TRA2A: variants seen among roughly 807,000 people sequenced by gnomAD.
The protein encoded by TRA2A is transformer-2 protein homolog alpha.
A neutral mutation model predicts 45.7 loss-of-function variants in TRA2A; 31 were observed. The observed-to-expected ratio is 0.68, with a 90% confidence interval of 0.51 to 0.92. The LOEUF (loss-of-function observed/expected upper bound fraction) is 0.92, where lower values mean the gene tolerates loss of function less well. TRA2A is among the 40% of genes least tolerant of loss of function. The pLI is 0.00. For synonymous variants in TRA2A, 132 were observed against 126.2 expected, an observed-to-expected ratio of 1.05 and a Z score of -0.31; for missense variants, 304 against 367.5, an observed-to-expected ratio of 0.83 and a Z score of 1.41.
intron 5 of TRA2A, among the ~76,000 whole-genome samples, chr7:23,506,990 C>A (rs57398773): frequency 6.6e-6 from 1 of 152,006 alleles, no homozygotes; most frequent in Non-Finnish European, 1.5e-5. Context: ...GTCCCGATCT[C>A]GTGATCTCGT....
Position 23,505,232 on chromosome 7 carries a change from A to G in TRA2A, c.*327T>C. On this transcript the variant is annotated 3_prime_UTR_variant, in exon 8 of 8. Transcript: ENST00000297071. ...AGTATCTAACACAAAAGAAGCTTTAAAAAGACAGTTTCTTTCCTTATTTGA... is the reference window on the plus strand; with the variant it reads ...AGTATCTAACACAAAAGAAGCTTTAGAAAGACAGTTTCTTTCCTTATTTGA... 3.7e-6 allele frequency: 1 copy of G among 272,048 alleles called. No homozygotes were observed. The highest frequency in any genetic ancestry group is 6.8e-6 in the Non-Finnish European group (1 of 148,098). The allele number at this position is 272,048 out of a possible 1,614,324, so 16.9% of individuals were successfully genotyped here. A position where few individuals can be genotyped will look rare whatever the true frequency, so the allele number is the denominator to read the frequency against.
Position 23,512,883 on chromosome 7 carries a change from G to C in TRA2A, c.525+11C>G, listed in dbSNP as rs186972773. The C allele has an allele frequency of 2.5e-6, 4 of 1,590,890 alleles. No individual in the cohort carries two copies. The highest frequency in any genetic ancestry group is 3.4e-6 in the Non-Finnish European group (4 of 1,166,760). ...CAGTACTATAATCAGGCATATAAAAGACAAATTTACCTCCTTTGAGTCATC... is the reference window on the plus strand; with the variant it reads ...CAGTACTATAATCAGGCATATAAAACACAAATTTACCTCCTTTGAGTCATC... On this transcript the variant is annotated intron_variant, in intron 4 of 7. Transcript: ENST00000297071.
In TRA2A at chr7:23,504,852, G is replaced by A. The variant is rs1342101096; in HGVS notation, c.*707C>T. On this transcript the variant is annotated 3_prime_UTR_variant, in exon 8 of 8. Transcript: ENST00000297071. ...ATCTTTTAAGAATTCTATGCTATGT[G>A]ATAACCTGCTTATCCACTGTCCCAA... is the stretch of plus-strand genomic sequence containing the variant. The A allele has an allele frequency of 4.6e-5, 7 of 152,498 alleles. No individual in the cohort carries two copies. The highest frequency in any genetic ancestry group is 1.7e-4 in the African/African-American group (7 of 41,414). 9.4% of individuals were successfully genotyped at this position (152,498 alleles called of 1,614,324 possible). A position where few individuals can be genotyped will look rare whatever the true frequency, so the allele number is the denominator to read the frequency against.
At chr7:23,523,654 TACCA>T (rs1302981831) in intron 1 of TRA2A, among the ~76,000 whole-genome samples, 2 of 152,224 alleles carry the variant, frequency 1.3e-5, no homozygotes, top group African/African-American at 4.8e-5. Context: ...TTCAGCTCAA[TACCA>T]ACCTTTCCCA....
At chr7:23,523,052 A>C (rs1790199127) in intron 1 of TRA2A, among the ~76,000 whole-genome samples, 1 of 152,204 alleles carries the variant, frequency 6.6e-6, no homozygotes, top group Admixed American at 6.5e-5. Flanking sequence ...GAAATTCTTA[A>C]AATTTCCCCA....
chr7:23,508,771 G>C (rs899640913), intron 4 of TRA2A, among the ~76,000 whole-genome samples: 5 of 152,156 alleles, frequency 3.3e-5, no homozygotes, highest in African/African-American at 1.2e-4. Context: ...TGGGATTACA[G>C]GCGTAAGCCA....
In TRA2A at chr7:23,505,728, A is replaced by G. The variant is rs778617950; in HGVS notation, c.838+18T>C. 4 of 1,515,338 alleles carry G rather than the reference A, an allele frequency of 2.6e-6. No individual in the cohort carries two copies. Among genetic ancestry groups the G allele is most frequent in the Non-Finnish European group, 3.6e-6 (4 of 1,126,100 alleles). 93.9% of individuals were successfully genotyped at this position (1,515,338 alleles called of 1,614,324 possible). ...TAGAAATGAGGTTTTTTATGCTACA[A>G]AAGTAAAGTTCACATACTTGGGCTG... On this transcript the variant is annotated intron_variant, in intron 7 of 7. Coordinates refer to ENST00000297071, the MANE Select transcript of TRA2A (RefSeq NM_013293.5).
intron 1 of TRA2A, chr7:23,531,209 C>A: frequency 2.0e-6 from 2 of 987,046 alleles, no homozygotes; most frequent in Non-Finnish European, 2.4e-6. Context: ...CCACCTTCAA[C>A]CTCAAGGCTT....
chr7:23,531,356 G>A, intron 1 of TRA2A: 1 of 556,820 alleles, frequency 1.8e-6, no homozygotes, highest in Non-Finnish European at 2.3e-6. Context: ...GCGCACTTTC[G>A]ATCCCGAGAC....
chr7:23,516,520 G>C lies in TRA2A; in HGVS notation c.179C>G (p.Ser60Ter). 1 of 1,613,760 alleles carries C rather than the reference G, an allele frequency of 6.2e-7. No individual in the cohort carries two copies. Among genetic ancestry groups the C allele is most frequent in the Non-Finnish European group, 8.5e-7 (1 of 1,179,894 alleles). Reference protein sequence around the residue: ...SRSRSKSRSRSRRHSHRRYTR... With the variant: ...SRSRSKSRSR ...GTAACGTCTATGAGAATGTCTCCTT[G>C]ACCTCGACCTTTGAGAGAAATACAT... Residue 60 changes from serine to a stop codon, truncating the protein, a stop_gained, in exon 3 of 8, where the codon TCA (serine) becomes TGA (stop). Coordinates refer to ENST00000297071, the MANE Select transcript of TRA2A (RefSeq NM_013293.5). LOFTEE classifies it high-confidence loss of function.
intron 2 of TRA2A, among the ~76,000 whole-genome samples, chr7:23,520,198 A>C (rs918648449): frequency 6.6e-6 from 1 of 152,272 alleles, no homozygotes; most frequent in African/African-American, 2.4e-5. Context: ...GCTGGGCAAC[A>C]GAGCGAGACT....
Position 23,509,464 on chromosome 7 carries a change from G to A in TRA2A, c.526-1929C>T, listed in dbSNP as rs567988362. ...TTAAAAATCACTTTAGGCTGGGCGC[G>A]ATGGCTCACACCTGTACTCCCAGCA... On this transcript the variant is annotated intron_variant, in intron 4 of 7. Coordinates refer to ENST00000297071, the MANE Select transcript of TRA2A (RefSeq NM_013293.5). 9.1e-4 allele frequency among the ~76,000 whole-genome samples: 139 copies of A among 152,262 alleles called. 1 individual carries two copies. Among genetic ancestry groups the A allele is most frequent in the African/African-American group, 3.1e-3 (129 of 41,540 alleles).
chr7:23,528,331 CCGAGTAGCTGGGA>C (rs1790424761), intron 1 of TRA2A, among the ~76,000 whole-genome samples: 1 of 152,008 alleles, frequency 6.6e-6, no homozygotes, highest in African/African-American at 2.4e-5. Context: ...CCTCACCCTC[CCGAGTAGCTGGGA>C]CTACAGACGC....
At chr7:23,516,717 ACATTCAC>A (rs1181576280) in intron 2 of TRA2A, among the ~76,000 whole-genome samples, 189 bp from the exon 3 acceptor site, 1 of 152,032 alleles carries the variant, frequency 6.6e-6, no homozygotes, top group Non-Finnish European at 1.5e-5. Flanking sequence ...AAGCCCCTCT[ACATTCAC>A]CCTTTTCACC....
chr7:23,509,379 G>C (rs1789491061), intron 4 of TRA2A, among the ~76,000 whole-genome samples: 3 of 152,090 alleles, frequency 2.0e-5, no homozygotes, highest in African/African-American at 7.2e-5. Flanking sequence ...TGAAACTTCA[G>C]TGAAATTTTC....
rs1224528173 is a variant in TRA2A at position 23,512,376 on chromosome 7, C to T, written c.525+518G>A. ...GCCCACACTTGTAGTGTCTGCTACT[C>T]AGGAGGCTGAGGTAGGAGGACTGCT... On this transcript the variant is annotated intron_variant, in intron 4 of 7. Transcript: ENST00000297071. Among the ~76,000 whole-genome samples the T allele has an allele frequency of 2.6e-5, 4 of 152,144 alleles. No individual in the cohort carries two copies. In the East Asian group the frequency reaches 7.7e-4, roughly 29 times the overall value.
At chr7:23,509,252 C>T (rs1789484310) in intron 4 of TRA2A, among the ~76,000 whole-genome samples, 1 of 151,726 alleles carries the variant, frequency 6.6e-6, no homozygotes, top group Non-Finnish European at 1.5e-5. Flanking sequence ...GTTGATCTCC[C>T]TGCACCCCAT....
At chr7:23,518,205 C>G (rs1357129337) in intron 2 of TRA2A, among the ~76,000 whole-genome samples, 1 of 151,992 alleles carries the variant, frequency 6.6e-6, no homozygotes, top group Non-Finnish European at 1.5e-5. Context: ...CCCAATTAAG[C>G]CAGTGTGCCT....
In TRA2A at chr7:23,507,649, G is replaced by A; in HGVS notation, c.526-114C>T. The A allele has an allele frequency of 5.3e-6, 4 of 754,360 alleles. No individual in the cohort carries two copies. The South Asian group carries it at 6.3e-5, about 12-fold the overall frequency. The allele number at this position is 754,360 out of a possible 1,614,324, so 46.7% of individuals were successfully genotyped here. A position where few individuals can be genotyped will look rare whatever the true frequency, so the allele number is the denominator to read the frequency against. On this transcript the variant is annotated intron_variant, in intron 4 of 7. Coordinates refer to ENST00000297071, the MANE Select transcript of TRA2A (RefSeq NM_013293.5). Reference sequence around the variant, plus strand: ...CAAATAAACTCCTGATTTTGAAAATGACAGCAATGTAGCTTGTACAGGGCA... The same window carrying A: ...CAAATAAACTCCTGATTTTGAAAATAACAGCAATGTAGCTTGTACAGGGCA...
Sources: gnomAD v4.1 joint callset for allele counts (sites outside exome capture counted in the v4.1 genomes callset) on GRCh38, gnomAD v4.1.1 for gene constraint, MANE v1.5 for transcripts, NCBI Gene and HGNC (gene_info 2026-07-23, HGNC 2026-07-21) for gene names.